The following GTF2IRD1 variants were observed in gnomAD, a reference collection of about 807,000 sequenced individuals.
The protein encoded by GTF2IRD1 is GTF2I repeat domain containing 1.
GTF2IRD1 carries 26 observed loss-of-function variants against 113.2 expected under a neutral mutation model. That is an observed-to-expected ratio of 0.23 (90% CI 0.17 to 0.32). The LOEUF is 0.32. Among genes scored for constraint, GTF2IRD1 ranks in the 10% least tolerant of loss-of-function variants. The pLI is 1.00. For synonymous variants in GTF2IRD1, 484 were observed against 529.1 expected (o/e 0.91, Z 1.17); for missense variants, 864 against 1,280.8 (o/e 0.67, Z 4.97).
In GTF2IRD1 at chr7:74,538,721, G is replaced by A. The variant is rs1311975684; in HGVS notation, c.1489G>A (p.Glu497Lys). 1.1e-5 allele frequency: 18 copies of A among 1,606,888 alleles called. No individual in the cohort carries two copies. Among genetic ancestry groups the A allele is most frequent in the Non-Finnish European group, 1.5e-5 (18 of 1,173,576 alleles). ...ELGGLRPIKIEPEDLDIIQVT... is the reference protein window; with the variant it reads ...ELGGLRPIKIKPEDLDIIQVT... ...GGGCGGGCTGAGGCCGATCAAAATT[G>A]AGCCAGAGGATCTGGACATCATTCA... is the stretch of plus-strand genomic sequence containing the variant. The change falls in exon 13 of 27, where the codon GAG (glutamate) becomes AAG (lysine). Residue 497 changes from glutamate to lysine, a missense_variant. By Grantham distance (56) the Glu-to-Lys change is moderately conservative (BLOSUM62 1). This residue lies in a region of GTF2IRD1 where 218 missense variants were observed against 352.6 expected (regional missense o/e 0.62). Transcript: ENST00000424337.
intron 22 of GTF2IRD1, among the ~76,000 whole-genome samples, chr7:74,579,093 G>A (rs868909589): frequency 2.0e-4 from 30 of 152,024 alleles, no homozygotes; most frequent in Middle Eastern, 3.4e-3. Flanking sequence ...AGGCTGAGGC[G>A]GAAGAATTGC....
At chr7:74,533,602 T>C (rs941545812) in intron 9 of GTF2IRD1, among the ~76,000 whole-genome samples, 1 of 152,168 alleles carries the variant, frequency 6.6e-6, no homozygotes, top group Non-Finnish European at 1.5e-5. Flanking sequence ...CTGAAGGCCG[T>C]GCACCTCCAC....
rs1798451949 is a variant in GTF2IRD1, at chr7:74,538,702, G to T, written c.1470G>T (p.Gly490=). The change falls in exon 13 of 27, where the codon GGG becomes GGT. Residue 490 remains glycine, a synonymous_variant. Transcript: ENST00000424337. ...CAGGAACCTCCGGGGAGCTGGGCGGGCTGAGGCCGATCAAAATTGAGCCAG... is the reference window on the plus strand; with the variant it reads ...CAGGAACCTCCGGGGAGCTGGGCGGTCTGAGGCCGATCAAAATTGAGCCAG... ...CGPGTSGELG[G]LRPIKIEPED... 1 of 1,606,136 alleles carries T rather than the reference G, an allele frequency of 6.2e-7. No individual in the cohort carries two copies. Among genetic ancestry groups the T allele is most frequent in the South Asian group, 1.1e-5 (1 of 90,922 alleles).
chr7:74,554,433 G>T (rs587723438), intron 17 of GTF2IRD1, among the ~76,000 whole-genome samples: 2 of 152,182 alleles, frequency 1.3e-5, no homozygotes, highest in Non-Finnish European at 2.9e-5. Context: ...TTGGTCACTG[G>T]TGCTTCCGAC....
intron 13 of GTF2IRD1, among the ~76,000 whole-genome samples, chr7:74,539,066 C>T (rs1269912291): frequency 6.6e-6 from 1 of 152,188 alleles, no homozygotes; most frequent in Non-Finnish European, 1.5e-5. Context: ...GAGTTTGACC[C>T]TACCCCCTGC....
At chr7:74,518,786 G>A (rs1271869544) in intron 5 of GTF2IRD1, among the ~76,000 whole-genome samples, 1 of 152,132 alleles carries the variant, frequency 6.6e-6, no homozygotes, top group East Asian at 1.9e-4. Flanking sequence ...TGTTCAGGAG[G>A]CTGAGGCAGG....
chr7:74,576,881 A>G (rs1484384726), intron 22 of GTF2IRD1, among the ~76,000 whole-genome samples: 2 of 151,964 alleles, frequency 1.3e-5, no homozygotes, highest in Admixed American at 6.6e-5. Flanking sequence ...TTGGCCTTCC[A>G]AAGTGCTGGG....
intron 1 of GTF2IRD1, among the ~76,000 whole-genome samples, chr7:74,484,795 A>G (rs890787911): frequency 2.0e-5 from 3 of 152,048 alleles, no homozygotes; most frequent in Non-Finnish European, 4.4e-5. Context: ...ATTCCATTGT[A>G]TGGATAGACT....
rs536043405 is a variant in GTF2IRD1, at chr7:74,475,474, T to G, written c.-7+21298T>G. Reference sequence around the variant, plus strand: ...GACCCAGACCTCCTGGGGCCTGGCCTCATGTACGTTCCTGAGACTACAGGG... The same window carrying G: ...GACCCAGACCTCCTGGGGCCTGGCCGCATGTACGTTCCTGAGACTACAGGG... On this transcript the variant is annotated intron_variant, in intron 1 of 26. Transcript: ENST00000424337. 5.6e-3 allele frequency among the ~76,000 whole-genome samples: 849 copies of G among 152,242 alleles called. 3 individuals carry two copies. Among genetic ancestry groups the G allele is most frequent in the Non-Finnish European group, 8.8e-3 (599 of 68,012 alleles).
At chr7:74,600,938 A>AG in intron 25 of GTF2IRD1, 106 bp from the exon 26 acceptor site, 2 of 1,231,406 alleles carry the variant, frequency 1.6e-6, no homozygotes, top group Non-Finnish European at 2.3e-6. Context: ...AAATCCTGAA[A>AG]GGGGGACTCG....
rs370521657 is a variant in GTF2IRD1 at position 74,478,123 on chromosome 7, G to A, written c.-7+23947G>A. Among the ~76,000 whole-genome samples, 23 of 152,320 alleles carry A rather than the reference G, an allele frequency of 1.5e-4. No homozygotes were observed. In the East Asian group the frequency reaches 4.0e-3, roughly 27 times the overall value. On this transcript the variant is annotated intron_variant, in intron 1 of 26. Transcript: ENST00000424337. ...CTCCGGGGCTCAGCCAGAACTGGGGGCACCAAATGCCCGGGTTCCCTGACC... is the reference window on the plus strand; with the variant it reads ...CTCCGGGGCTCAGCCAGAACTGGGGACACCAAATGCCCGGGTTCCCTGACC...
chr7:74,509,665 TG>T (rs200750792), intron 2 of GTF2IRD1, among the ~76,000 whole-genome samples: 1 of 151,804 alleles, frequency 6.6e-6, no homozygotes, highest in Admixed American at 6.6e-5. Flanking sequence ...TGACCAGTTT[TG>T]TTTTGTTTTG....
intron 8 of GTF2IRD1, among the ~76,000 whole-genome samples, chr7:74,527,735 G>A (rs782697099): frequency 1.4e-4 from 22 of 152,138 alleles, no homozygotes; most frequent in African/African-American, 4.1e-4. Flanking sequence ...CCAGCTACTC[G>A]GGAGGCTGAG....
chr7:74,580,364 G>A (rs1293926479), intron 22 of GTF2IRD1, among the ~76,000 whole-genome samples: 2 of 152,092 alleles, frequency 1.3e-5, no homozygotes, highest in African/African-American at 2.4e-5. Flanking sequence ...CGCTGGCTGC[G>A]TCTCCCTGCT....
At chr7:74,481,375 T>G (rs1794733538) in intron 1 of GTF2IRD1, among the ~76,000 whole-genome samples, 5 of 152,148 alleles carry the variant, frequency 3.3e-5, no homozygotes, top group Admixed American at 3.3e-4. Context: ...CAGGCTGGTC[T>G]CAAACTCTTG....
intron 9 of GTF2IRD1, 117 bp downstream of exon 9, chr7:74,530,034 AC>A: frequency 1.5e-6 from 1 of 682,362 alleles, no homozygotes; most frequent in Non-Finnish European, 2.5e-6. Context: ...ACATGGCAAA[AC>A]CCCGTCTCTA....
At chr7:74,489,469 A>G (rs1483479211) in intron 1 of GTF2IRD1, among the ~76,000 whole-genome samples, 1 of 151,988 alleles carries the variant, frequency 6.6e-6, no homozygotes, top group African/African-American at 2.4e-5. Context: ...CAGCCTCCCA[A>G]GTAGCTGGGA....
intron 22 of GTF2IRD1, among the ~76,000 whole-genome samples, chr7:74,562,997 C>G (rs1800072326): frequency 6.6e-6 from 1 of 152,160 alleles, no homozygotes; most frequent in Admixed American, 6.6e-5. Flanking sequence ...ACCAAAAGCC[C>G]CCAATGCAGA....
At chr7:74,474,374 A>G (rs1794286500) in intron 1 of GTF2IRD1, among the ~76,000 whole-genome samples, 1 of 152,240 alleles carries the variant, frequency 6.6e-6, no homozygotes, top group Non-Finnish European at 1.5e-5. Flanking sequence ...CTAGCAGGGC[A>G]GGCAGAAAAG....
Sources: gnomAD v4.1 joint callset for allele counts (sites outside exome capture counted in the v4.1 genomes callset) on GRCh38, gnomAD v4.1.1 for gene constraint, gnomAD v4.1.1 regional missense constraint, MANE v1.5 for transcripts, NCBI Gene and HGNC (gene_info 2026-07-23, HGNC 2026-07-21) for gene names.